SLC4A10: variants seen among roughly 807,000 people sequenced by gnomAD.
SLC4A10 encodes sodium-driven chloride bicarbonate exchanger.
A neutral mutation model predicts 137.7 loss-of-function variants in SLC4A10; 42 were observed. The observed-to-expected ratio is 0.30, with a 90% CI of 0.24 to 0.39. The LOEUF is 0.39. Among genes scored for constraint, SLC4A10 ranks in the 10% least tolerant of loss-of-function variants. The pLI, the probability that SLC4A10 is intolerant of heterozygous loss-of-function variation, is 1.00. For synonymous variants in SLC4A10, 474 were observed against 464.1 expected (o/e 1.02, Z -0.27); for missense variants, 925 against 1,355.0 (o/e 0.68, Z 4.98).
chr2:161,741,940 C>T (rs764399825), intron 1 of SLC4A10, among the ~76,000 whole-genome samples: 3 of 152,126 alleles, frequency 2.0e-5, no homozygotes, highest in Non-Finnish European at 4.4e-5. Flanking sequence ...CATTTTTATA[C>T]CCATTAACCA....
At chr2:161,894,482 A>T (rs908161807) in intron 10 of SLC4A10, among the ~76,000 whole-genome samples, 197 bp from the exon 11 acceptor site, 3 of 152,000 alleles carry the variant, frequency 2.0e-5, no homozygotes, top group Non-Finnish European at 1.5e-5. Flanking sequence ...ATCTGACATC[A>T]TAAGAAAAAT....
chr2:161,850,480 A>C (rs991118642), intron 4 of SLC4A10, among the ~76,000 whole-genome samples: 2 of 152,102 alleles, frequency 1.3e-5, no homozygotes, highest in Admixed American at 6.6e-5. Context: ...CATTTCTTCT[A>C]GCTTTTCTAG....
At chr2:161,739,417 G>C (rs1487033639) in intron 1 of SLC4A10, among the ~76,000 whole-genome samples, 1 of 152,086 alleles carries the variant, frequency 6.6e-6, no homozygotes, top group East Asian at 1.9e-4. Context: ...TACTCTAGGA[G>C]GAGATTTTCT....
intron 8 of SLC4A10, among the ~76,000 whole-genome samples, chr2:161,875,460 C>T (rs967406259): frequency 1.3e-5 from 2 of 152,142 alleles, no homozygotes. Context: ...CATCTACATT[C>T]AACCTACATA....
intron 12 of SLC4A10, among the ~76,000 whole-genome samples, chr2:161,903,741 T>C (rs1683666511): frequency 6.6e-6 from 1 of 152,126 alleles, no homozygotes; most frequent in South Asian, 2.1e-4. Flanking sequence ...TGGATTATGA[T>C]TGGTAAACAG....
At chr2:161,655,944 G>A (rs1468531642) in intron 1 of SLC4A10, among the ~76,000 whole-genome samples, 1 of 151,454 alleles carries the variant, frequency 6.6e-6, no homozygotes, top group Non-Finnish European at 1.5e-5. Flanking sequence ...CTCCTGAGTA[G>A]ATGGGATTAC....
intron 15 of SLC4A10, among the ~76,000 whole-genome samples, chr2:161,923,751 C>T (rs1023968893): frequency 6.6e-6 from 1 of 151,754 alleles, no homozygotes; most frequent in Non-Finnish European, 1.5e-5. Flanking sequence ...GTGCAGCACA[C>T]CAACATGGCA....
At chr2:161,743,201 T>A (rs1274785724) in intron 1 of SLC4A10, among the ~76,000 whole-genome samples, 1 of 152,200 alleles carries the variant, frequency 6.6e-6, no homozygotes, top group Non-Finnish European at 1.5e-5. Context: ...CCCAGACTGA[T>A]GTCCTGGAGA....
At chr2:161,681,726 T>C (rs2040873127) in intron 1 of SLC4A10, among the ~76,000 whole-genome samples, 1 of 152,250 alleles carries the variant, frequency 6.6e-6, no homozygotes, top group Non-Finnish European at 1.5e-5. Context: ...TACTAAGCTT[T>C]CTTACATTTT....
intron 15 of SLC4A10, among the ~76,000 whole-genome samples, chr2:161,935,760 A>ATTTGGAT: frequency 6.6e-6 from 1 of 152,038 alleles, no homozygotes; most frequent in East Asian, 1.9e-4. Context: ...TTTCTTTCCA[A>ATTTGGAT]TTTGGATGCC....
chr2:161,866,941 A>G (rs2060796977), intron 6 of SLC4A10, among the ~76,000 whole-genome samples: 1 of 151,916 alleles, frequency 6.6e-6, no homozygotes, highest in South Asian at 2.1e-4. Flanking sequence ...ATCCTTTACT[A>G]ATAATTTCTA....
chr2:161,807,991 A>G (rs1397873889), intron 3 of SLC4A10, among the ~76,000 whole-genome samples: 2 of 152,096 alleles, frequency 1.3e-5, no homozygotes, highest in Non-Finnish European at 2.9e-5. Context: ...GGAGATAAAA[A>G]TCTATTGTTG....
At chr2:161,872,988 A>C (rs1304644475) in intron 7 of SLC4A10, among the ~76,000 whole-genome samples, 4 of 152,188 alleles carry the variant, frequency 2.6e-5, no homozygotes, top group Admixed American at 2.6e-4. Flanking sequence ...TGCTGGGATT[A>C]CAGGCGTGAG....
rs796647525 is a variant in SLC4A10, at chr2:161,967,973, GA to G, written c.3159+2812del. Among the ~76,000 whole-genome samples, 520 of 135,058 alleles carry G rather than the reference GA, an allele frequency of 3.9e-3. 3 individuals are homozygous for G. The highest frequency in any genetic ancestry group is 0.013 in the African/African-American group (466 of 37,018). 88.6% of individuals were successfully genotyped at this position (135,058 alleles called of 152,430 possible). A position where few individuals can be genotyped will look rare whatever the true frequency, so the allele number is the denominator to read the frequency against. The stretch of plus-strand genomic sequence containing the variant: ...TTGTTAACTGTCTTTACTGCTTCTG[GA>G]AAAAAAAAAAACGAACACAGCCCCA... On this transcript the variant is annotated intron_variant, in intron 23 of 26. Transcript: ENST00000446997.
At chr2:161,660,665 T>A (rs1198071544) in intron 1 of SLC4A10, among the ~76,000 whole-genome samples, 1 of 149,898 alleles carries the variant, frequency 6.7e-6, no homozygotes, top group Non-Finnish European at 1.5e-5. Context: ...TCTTTCCTTT[T>A]TTTTTTGAGA....
intron 15 of SLC4A10, among the ~76,000 whole-genome samples, chr2:161,921,617 A>C (rs985702932): frequency 1.8e-4 from 28 of 152,238 alleles, no homozygotes; most frequent in Admixed American, 1.5e-3. Context: ...TCTAGGAGCT[A>C]TTATGAAAAC....
intron 11 of SLC4A10, among the ~76,000 whole-genome samples, chr2:161,896,394 C>A (rs1444224248): frequency 2.6e-5 from 4 of 152,138 alleles, no homozygotes; most frequent in Admixed American, 2.6e-4. Flanking sequence ...CTTGGTGATG[C>A]AGGCTCTTTT....
chr2:161,638,807 T>G (rs181609870), intron 1 of SLC4A10, among the ~76,000 whole-genome samples: 3 of 152,040 alleles, frequency 2.0e-5, no homozygotes, highest in Non-Finnish European at 2.9e-5. Context: ...AAATGTTTTA[T>G]AGTTTTTATT....
At chr2:161,712,907 G>A (rs2044447321) in intron 1 of SLC4A10, among the ~76,000 whole-genome samples, 1 of 151,830 alleles carries the variant, frequency 6.6e-6, no homozygotes, top group Non-Finnish European at 1.5e-5. Context: ...CAATGTTCTA[G>A]AAAGAATTGT....
Sources: gnomAD v4.1 joint callset for allele counts (sites outside exome capture counted in the v4.1 genomes callset) on GRCh38, gnomAD v4.1.1 for gene constraint, MANE v1.5 for transcripts, NCBI Gene and HGNC (gene_info 2026-07-23, HGNC 2026-07-21) for gene names.